ASTN1: variants seen among roughly 807,000 people sequenced by gnomAD.
ASTN1 encodes the protein astrotactin-1.
ASTN1 carries 41 observed loss-of-function variants against 140.7 expected under a neutral mutation model. That is an observed-to-expected ratio of 0.29 (90% CI 0.23 to 0.38). The LOEUF (loss-of-function observed/expected upper bound fraction) is 0.38, where lower values mean the gene tolerates loss of function less well. Ranked by LOEUF, ASTN1 falls within the 10% of genes least tolerant of loss-of-function variation. The pLI is 1.00. For synonymous variants in ASTN1, 640 were observed against 652.2 expected, an observed-to-expected ratio of 0.98 and a Z score of 0.29; for missense variants, 1,479 against 1,678.8, an observed-to-expected ratio of 0.88 and a Z score of 2.08.
chr1:176,903,615 G>A (rs1001001158), intron 16 of ASTN1, among the ~76,000 whole-genome samples: 2 of 152,110 alleles, frequency 1.3e-5, no homozygotes, highest in Non-Finnish European at 2.9e-5. Flanking sequence ...ACTTGATTCC[G>A]TTTTTTCATT....
At position 176,997,826 on chromosome 1, in the gene ASTN1, A is replaced by G. The variant is rs951643710; in HGVS notation, c.1523+16965T>C. ...AGGAAGAGAGGGCTTCCAATTGGGG[A>G]GTTAGAAAAGGCTTTATGATGGAGC... is the stretch of plus-strand genomic sequence containing the variant. On this transcript the variant is annotated intron_variant, in intron 8 of 22. Coordinates refer to ENST00000361833, the MANE Select transcript of ASTN1 (RefSeq NM_004319.3). Among the ~76,000 whole-genome samples, 6 of 152,156 alleles carry G rather than the reference A, an allele frequency of 3.9e-5. No homozygotes were observed. In the East Asian group the frequency reaches 1.2e-3, roughly 29 times the overall value.
rs573403110 is a variant in ASTN1 at position 176,945,343 on chromosome 1, T to C, written c.2249+583A>G. On this transcript the variant is annotated intron_variant, in intron 13 of 22. Coordinates refer to ENST00000361833, the MANE Select transcript of ASTN1 (RefSeq NM_004319.3). ...AATTTATTAATTCACGTAAAAACAA[T>C]GAATTCATTCAATATTAACATATTT... Among the ~76,000 whole-genome samples, 43 of 152,308 alleles carry C rather than the reference T, an allele frequency of 2.8e-4. 1 individual carries two copies. The South Asian group carries it at 8.7e-3, about 31-fold the overall frequency.
intron 2 of ASTN1, among the ~76,000 whole-genome samples, chr1:177,044,852 C>G (rs1034425432): frequency 6.6e-6 from 1 of 152,180 alleles, no homozygotes; most frequent in Admixed American, 6.5e-5. Context: ...ATAGTGTTCA[C>G]AGAGTTTCTT....
At chr1:176,986,362 C>T (rs949340711) in intron 8 of ASTN1, among the ~76,000 whole-genome samples, 1 of 152,132 alleles carries the variant, frequency 6.6e-6, no homozygotes, top group Admixed American at 6.5e-5. Flanking sequence ...ATCCAAAATA[C>T]AGGTGCATTA....
intron 16 of ASTN1, among the ~76,000 whole-genome samples, chr1:176,902,697 G>T (rs1193979197): frequency 6.6e-6 from 1 of 152,200 alleles, no homozygotes; most frequent in Non-Finnish European, 1.5e-5. Flanking sequence ...TCAAAGAAAT[G>T]ATGGGATAGT....
At chr1:177,150,713 G>A (rs1682995189) in intron 1 of ASTN1, among the ~76,000 whole-genome samples, 2 of 152,136 alleles carry the variant, frequency 1.3e-5, no homozygotes, top group African/African-American at 2.4e-5. Flanking sequence ...ATGGAGTTAT[G>A]AAGGCGGAGT....
intron 8 of ASTN1, among the ~76,000 whole-genome samples, chr1:176,979,606 C>A (rs73049810): frequency 3.3e-5 from 5 of 152,134 alleles, no homozygotes; most frequent in African/African-American, 4.8e-5. Flanking sequence ...GTTAGTCCCT[C>A]GAGGGCAGGG....
At chr1:177,144,424 T>G (rs1682624702) in intron 1 of ASTN1, among the ~76,000 whole-genome samples, 1 of 150,828 alleles carries the variant, frequency 6.6e-6, no homozygotes, top group Admixed American at 6.6e-5. Context: ...GGCTAGTTTT[T>G]TGTATTTTTA....
At chr1:176,906,331 A>G (rs1385266607) in intron 16 of ASTN1, among the ~76,000 whole-genome samples, 1 of 152,164 alleles carries the variant, frequency 6.6e-6, no homozygotes, top group Non-Finnish European at 1.5e-5. Flanking sequence ...GGATCCAAAG[A>G]GAGAAATGAT....
At chr1:176,857,372 A>G (rs41266142), downstream of ASTN1, 179 of 394,640 alleles carry the variant, frequency 4.5e-4, no homozygotes, top group Non-Finnish European at 7.6e-4. Context: ...AGCAAAATAC[A>G]TTTTAGGTAA....
intron 2 of ASTN1, among the ~76,000 whole-genome samples, chr1:177,054,758 C>A (rs566990906): frequency 6.6e-6 from 1 of 152,248 alleles, no homozygotes; most frequent in Non-Finnish European, 1.5e-5. Flanking sequence ...AGTGAGGTGA[C>A]TTGATGAGTA....
At chr1:176,973,436 G>A (rs993594415) in intron 8 of ASTN1, among the ~76,000 whole-genome samples, 4 of 152,088 alleles carry the variant, frequency 2.6e-5, no homozygotes, top group African/African-American at 9.7e-5. Flanking sequence ...CTCCAACACT[G>A]GTTAAACTCA....
chr1:176,957,196 C>T (rs1672444045), intron 11 of ASTN1, among the ~76,000 whole-genome samples: 1 of 152,090 alleles, frequency 6.6e-6, no homozygotes, highest in Admixed American at 6.6e-5. Flanking sequence ...GAGTCAGCCA[C>T]CATAAACAGA....
At chr1:176,963,774 C>T (rs116278915) in intron 9 of ASTN1, among the ~76,000 whole-genome samples, 319 of 152,296 alleles carry the variant, frequency 2.1e-3, no homozygotes, top group African/African-American at 6.8e-3. Flanking sequence ...ATCTTTATCA[C>T]GCTTTGAAGT....
chr1:177,005,442 A>T (rs1199374468), intron 8 of ASTN1, among the ~76,000 whole-genome samples: 1 of 152,126 alleles, frequency 6.6e-6, no homozygotes, highest in Non-Finnish European at 1.5e-5. Flanking sequence ...TTAAAAGTAG[A>T]CCTAACATTT....
chr1:177,112,364 C>G (rs1297938027), intron 1 of ASTN1, among the ~76,000 whole-genome samples: 1 of 152,222 alleles, frequency 6.6e-6, no homozygotes. Flanking sequence ...TCCAGGACCT[C>G]TCGCTCCTAT....
intron 20 of ASTN1, among the ~76,000 whole-genome samples, chr1:176,879,537 G>A (rs1306897622): frequency 6.6e-6 from 1 of 151,948 alleles, no homozygotes; most frequent in Non-Finnish European, 1.5e-5. Flanking sequence ...TTGTCAGATG[G>A]ACCCCTTCTC....
intron 8 of ASTN1, among the ~76,000 whole-genome samples, chr1:176,996,530 G>A (rs1674456302): frequency 2.0e-5 from 3 of 152,104 alleles, no homozygotes; most frequent in Non-Finnish European, 4.4e-5. Flanking sequence ...TAAATTGGTT[G>A]AAGACTGAAA....
At chr1:177,150,467 G>T (rs1342818299) in intron 1 of ASTN1, among the ~76,000 whole-genome samples, 1 of 152,140 alleles carries the variant, frequency 6.6e-6, no homozygotes, top group African/African-American at 2.4e-5. Context: ...CACTGAAATT[G>T]AGGATTCTAA....
Sources: allele counts gnomAD v4.1 joint callset (sites outside exome capture counted in the v4.1 genomes callset), GRCh38; gene constraint gnomAD v4.1.1; transcripts MANE v1.5; gene names NCBI Gene and HGNC (gene_info 2026-07-23, HGNC 2026-07-21).